Variants in NRG1 observed in about 807,000 individuals in gnomAD.
The protein encoded by NRG1 is neuregulin 1, also known as pro-neuregulin-1, membrane-bound isoform.
Under a neutral mutation model 63.8 loss-of-function variants are expected in NRG1, and 18 were observed. The ratio of observed to expected loss-of-function variants is 0.28; its 90% CI spans 0.19 to 0.42. The LOEUF (loss-of-function observed/expected upper bound fraction) is 0.42. Ranked by LOEUF, NRG1 falls within the 10% of genes least tolerant of loss-of-function variation. The pLI is 1.00. For missense variants in NRG1, 762 were observed against 814.7 expected (o/e 0.94, Z 0.79); for synonymous variants, 302 against 301.3 (o/e 1.00, Z -0.02).
At chr8:32,319,121 A>T (rs1801085416) in intron 1 of NRG1, among the ~76,000 whole-genome samples, 1 of 152,134 alleles carries the variant, frequency 6.6e-6, no homozygotes, top group Admixed American at 6.5e-5. Context: ...ACACCTTCAG[A>T]TTATCCAGCA....
intron 1 of NRG1, among the ~76,000 whole-genome samples, chr8:32,486,858 C>T (rs375003199): frequency 2.0e-5 from 3 of 152,190 alleles, no homozygotes; most frequent in African/African-American, 7.2e-5. Context: ...TTCCTGACCT[C>T]AAGCAATTCA....
chr8:31,887,011 G>T (rs1393583418), intron 1 of NRG1, among the ~76,000 whole-genome samples: 1 of 151,954 alleles, frequency 6.6e-6, no homozygotes, highest in Non-Finnish European at 1.5e-5. Flanking sequence ...TTGCTATCAC[G>T]GTAATTACTC....
chr8:32,360,817 C>T (rs886086360), intron 1 of NRG1, among the ~76,000 whole-genome samples: 1 of 152,180 alleles, frequency 6.6e-6, no homozygotes, highest in Non-Finnish European at 1.5e-5. Context: ...CAGTTAATGA[C>T]ATGCTCAACC....
chr8:32,471,352 G>T (rs986238038), intron 1 of NRG1, among the ~76,000 whole-genome samples: 1 of 151,912 alleles, frequency 6.6e-6, no homozygotes, highest in Non-Finnish European at 1.5e-5. Flanking sequence ...ACTTTTTCTT[G>T]GACCCAAGTG....
At chr8:32,490,666 A>G (rs572535337) in intron 1 of NRG1, among the ~76,000 whole-genome samples, 19 of 152,316 alleles carry the variant, frequency 1.2e-4, no homozygotes, top group Admixed American at 1.3e-4. Context: ...TAAAGCCCCA[A>G]ACAACTGCCA....
chr8:32,019,010 A>T (rs1347222272), intron 1 of NRG1, among the ~76,000 whole-genome samples: 1 of 152,226 alleles, frequency 6.6e-6, no homozygotes, highest in African/African-American at 2.4e-5. Context: ...CATAGGCCTC[A>T]ACTGTTTGAA....
chr8:32,703,342 G>A lies in NRG1; in HGVS notation c.503-24607G>A, dbSNP rs570623741. On this transcript the variant is annotated intron_variant, in intron 5 of 11. Transcript: ENST00000356819. ...TTATTAGTTCCGAAATATCATATCT[G>A]TTTGATTTCCCAAATGATTGCAGAA... Among the ~76,000 whole-genome samples the A allele has an allele frequency of 1.8e-4, 27 of 151,362 alleles. No homozygotes were observed. The South Asian group carries it at 5.4e-3, about 30-fold the overall frequency.
At chr8:31,791,456 A>G (rs1820702869) in intron 1 of NRG1, among the ~76,000 whole-genome samples, 1 of 152,174 alleles carries the variant, frequency 6.6e-6, no homozygotes, top group Non-Finnish European at 1.5e-5. Flanking sequence ...TCCTATCAAG[A>G]ATATTCTTTA....
At chr8:32,244,256 A>AT (rs1848405119) in intron 1 of NRG1, among the ~76,000 whole-genome samples, 1 of 152,120 alleles carries the variant, frequency 6.6e-6, no homozygotes, top group South Asian at 2.1e-4. Flanking sequence ...AAGAAAAGTG[A>AT]TTTTCAGATC....
chr8:32,501,989 C>G (rs1240135280), intron 1 of NRG1, among the ~76,000 whole-genome samples: 1 of 152,054 alleles, frequency 6.6e-6, no homozygotes, highest in Admixed American at 6.6e-5. Context: ...ATTAATAAAC[C>G]AAGAAAACTT....
chr8:32,095,711 G>A lies in NRG1; in HGVS notation c.37+456280G>A, dbSNP rs1587103648. On this transcript the variant is annotated intron_variant, in intron 1 of 10. Coordinates refer to the NRG1 transcript ENST00000519301. ...CAAAACCGAATGAATTAATTGTTGT[G>A]CATGCTATTATGTCTTGGATATAGT... Among the ~76,000 whole-genome samples, 4 of 152,210 alleles carry A rather than the reference G, an allele frequency of 2.6e-5. No individual in the cohort carries two copies. The East Asian group carries it at 7.7e-4, about 29-fold the overall frequency.
chr8:31,687,359 T>A (rs1351136952), intron 1 of NRG1, among the ~76,000 whole-genome samples: 1 of 152,208 alleles, frequency 6.6e-6, no homozygotes, highest in Non-Finnish European at 1.5e-5. Context: ...GTCAAGCAGC[T>A]GAGACATTCA....
intron 1 of NRG1, among the ~76,000 whole-genome samples, chr8:31,835,080 T>A (rs1320621315): frequency 6.6e-6 from 1 of 152,230 alleles, no homozygotes; most frequent in Non-Finnish European, 1.5e-5. Context: ...TTGTAAAAAA[T>A]GTTTAATAGA....
chr8:32,349,506 T>A (rs1032648953), intron 1 of NRG1, among the ~76,000 whole-genome samples: 1 of 152,174 alleles, frequency 6.6e-6, no homozygotes, highest in Non-Finnish European at 1.5e-5. Flanking sequence ...TAGTATTTAC[T>A]TATGTCTCTT....
At chr8:31,974,802 T>C (rs1807888990) in intron 1 of NRG1, among the ~76,000 whole-genome samples, 1 of 152,238 alleles carries the variant, frequency 6.6e-6, no homozygotes, top group South Asian at 2.1e-4. Flanking sequence ...ATTTTAAAGC[T>C]GATTGGATCT....
chr8:31,932,129 T>A (rs962726685), intron 1 of NRG1, among the ~76,000 whole-genome samples: 4 of 144,060 alleles, frequency 2.8e-5, no homozygotes, highest in Admixed American at 1.4e-4. Context: ...TAAGGGAAGG[T>A]TTTTGGTAAC....
chr8:32,552,889 T>C (rs1834415675), intron 1 of NRG1, among the ~76,000 whole-genome samples: 1 of 152,180 alleles, frequency 6.6e-6, no homozygotes, highest in Non-Finnish European at 1.5e-5. Context: ...ACCTACTACA[T>C]GCCAGGCACT....
At chr8:32,365,137 C>T (rs1444505224) in intron 1 of NRG1, among the ~76,000 whole-genome samples, 1 of 151,966 alleles carries the variant, frequency 6.6e-6, no homozygotes, top group Non-Finnish European at 1.5e-5. Flanking sequence ...GTCTACCTGC[C>T]TTAGCTTCGT....
At chr8:32,302,127 A>G (rs1855637412) in intron 1 of NRG1, among the ~76,000 whole-genome samples, 1 of 152,168 alleles carries the variant, frequency 6.6e-6, no homozygotes, top group Non-Finnish European at 1.5e-5. Flanking sequence ...TGGATTAGGT[A>G]GACCTCCACG....
Sources: allele counts gnomAD v4.1 joint callset (sites outside exome capture counted in the v4.1 genomes callset), GRCh38; gene constraint gnomAD v4.1.1; transcripts MANE v1.5; gene names NCBI Gene and HGNC (gene_info 2026-07-23, HGNC 2026-07-21).